Variants in TSHZ3 observed in about 807,000 individuals in gnomAD.
The protein encoded by TSHZ3 is teashirt zinc finger homeobox 3.
A neutral mutation model predicts 64.5 loss-of-function variants in TSHZ3; 10 were observed. The observed-to-expected ratio is 0.16, with a 90% CI of 0.10 to 0.26. TSHZ3 has a LOEUF of 0.26. Among genes scored for constraint, TSHZ3 ranks in the 10% least tolerant of loss-of-function variants. The pLI is 1.00. For missense variants in TSHZ3, 1,242 were observed against 1,421.7 expected, an observed-to-expected ratio of 0.87 and a Z score of 2.03; for synonymous variants, 608 against 593.1, an observed-to-expected ratio of 1.03 and a Z score of -0.36.
chr19:31,172,030 C>A (rs1291940587), intron 5 of TSHZ3, among the ~76,000 whole-genome samples: 1 of 152,128 alleles, frequency 6.6e-6, no homozygotes, highest in African/African-American at 2.4e-5. Context: ...GGATACTGGT[C>A]CTTCAAGAGA....
intron 1 of TSHZ3, among the ~76,000 whole-genome samples, chr19:31,255,366 C>A (rs919627889): frequency 1.3e-5 from 2 of 152,244 alleles, no homozygotes; most frequent in East Asian, 3.9e-4. Flanking sequence ...GCTCCAGAAA[C>A]TCCAGGCCTG....
rs35837386 is a variant in TSHZ3, at chr19:31,239,748, T to TAA, written n.550+2519_550+2520dup. Among the ~76,000 whole-genome samples, 8 of 150,982 alleles carry TAA rather than the reference T, an allele frequency of 5.3e-5. No individual in the cohort carries two copies. The South Asian group carries it at 8.4e-4, about 16-fold the overall frequency. ...GCATGTGACAACATGCCCAGCTAAT[T>TAA]AAAAAAAAACAAATTGTGGAGATGG... On this transcript the variant is annotated intron_variant and non_coding_transcript_variant, in intron 3 of 6. Transcript: ENST00000651361.
At chr19:31,214,870 T>C (rs1244316375) in intron 4 of TSHZ3, among the ~76,000 whole-genome samples, 2 of 135,650 alleles carry the variant, frequency 1.5e-5, no homozygotes, top group Non-Finnish European at 3.0e-5. Context: ...ATCCGGTCAC[T>C]GCACTCCAGT....
intron 5 of TSHZ3, among the ~76,000 whole-genome samples, chr19:31,202,049 C>T (rs1000563271): frequency 4.6e-5 from 7 of 151,952 alleles, no homozygotes; most frequent in Non-Finnish European, 8.8e-5. Flanking sequence ...GCCTGTAATC[C>T]CAGCTACTCG....
At chr19:31,349,624 C>G (rs1458033868), upstream of TSHZ3, 2 of 163,452 alleles carry the variant, frequency 1.2e-5, no homozygotes, top group South Asian at 2.0e-4. Flanking sequence ...CGCCCCGTCC[C>G]CAGACGAGGT....
intron 4 of TSHZ3, among the ~76,000 whole-genome samples, chr19:31,225,241 C>T (rs529459406): frequency 6.6e-6 from 1 of 152,342 alleles, no homozygotes; most frequent in East Asian, 1.9e-4. Flanking sequence ...AGCCTGGCCC[C>T]AGAGTCAGCC....
intron 4 of TSHZ3, among the ~76,000 whole-genome samples, chr19:31,227,626 C>T (rs768302782): frequency 3.3e-5 from 5 of 152,108 alleles, no homozygotes; most frequent in African/African-American, 7.2e-5. Flanking sequence ...TGTTGAACAC[C>T]AGGGGCTGAA....
intron 5 of TSHZ3, among the ~76,000 whole-genome samples, chr19:31,161,353 G>A (rs1276513140): frequency 3.9e-5 from 6 of 152,184 alleles, no homozygotes; most frequent in African/African-American, 1.4e-4. Flanking sequence ...AAGGACTAAA[G>A]TTAAGGCAGA....
rs1435272232 is a variant in TSHZ3, at chr19:31,279,869, T to C, written c.41-117A>G. On this transcript the variant is annotated intron_variant, in intron 1 of 1. Coordinates refer to ENST00000240587, the MANE Select transcript of TSHZ3 (RefSeq NM_020856.4). This position sits in a 1 kb window ranked among gnomAD's most constrained non-coding sequence, Gnocchi z 6.4. The stretch of plus-strand genomic sequence containing the variant: ...CTTGTTGATCTTACCTAGAATATGT[T>C]CTGGGCTCTCAGGAAAACACAGCAA... 1.1e-6 allele frequency: 1 copy of C among 908,660 alleles called. No homozygotes were observed. Among genetic ancestry groups the C allele is most frequent in the Non-Finnish European group, 1.5e-6 (1 of 664,274 alleles). 56.3% of individuals were successfully genotyped at this position (908,660 alleles called of 1,614,324 possible). A position where few individuals can be genotyped will look rare whatever the true frequency, so the allele number is the denominator to read the frequency against.
chr19:31,230,786 G>A (rs907152651), intron 3 of TSHZ3, among the ~76,000 whole-genome samples: 13 of 139,592 alleles, frequency 9.3e-5, no homozygotes, highest in East Asian at 4.6e-4. Flanking sequence ...TGCAAGCTCC[G>A]CCTCCCGGGT....
intron 1 of TSHZ3, among the ~76,000 whole-genome samples, chr19:31,348,466 AAG>A (rs1292765923): frequency 6.9e-6 from 1 of 144,970 alleles, no homozygotes; most frequent in African/African-American, 2.5e-5. Context: ...GTTAAAGAAG[AAG>A]AAAAAAAAAA....
intron 1 of TSHZ3, among the ~76,000 whole-genome samples, chr19:31,325,581 G>C (rs983451001): frequency 3.3e-5 from 5 of 152,204 alleles, no homozygotes; most frequent in Non-Finnish European, 7.3e-5. Context: ...GCTGTGGGAA[G>C]CGAAATGTGT....
chr19:31,187,923 T>C (rs1247416387), intron 5 of TSHZ3, among the ~76,000 whole-genome samples: 5 of 152,090 alleles, frequency 3.3e-5, no homozygotes, highest in African/African-American at 7.2e-5. Context: ...TAGATTTCCA[T>C]AAAAATTTAA....
downstream of TSHZ3, among the ~76,000 whole-genome samples, chr19:31,274,094 C>A (rs1368190402): frequency 6.6e-6 from 1 of 151,262 alleles, no homozygotes; most frequent in Non-Finnish European, 1.5e-5. Context: ...GGCGTGTTGC[C>A]GAACATCTCT....
At chr19:31,214,265 GA>G (rs1714730755) in intron 4 of TSHZ3, among the ~76,000 whole-genome samples, 1 of 152,198 alleles carries the variant, frequency 6.6e-6, no homozygotes, top group Non-Finnish European at 1.5e-5. Flanking sequence ...AGGGTAACCA[GA>G]GGCTGCATGA....
intron 1 of TSHZ3, among the ~76,000 whole-genome samples, chr19:31,337,397 T>C (rs909844598): frequency 3.3e-5 from 5 of 152,222 alleles, no homozygotes; most frequent in Non-Finnish European, 5.9e-5. Context: ...TAGCAAAGTT[T>C]TTCTAATCAG....
At chr19:31,300,143 T>C (rs1276819024) in intron 1 of TSHZ3, among the ~76,000 whole-genome samples, 1 of 152,200 alleles carries the variant, frequency 6.6e-6, no homozygotes, top group Non-Finnish European at 1.5e-5. Flanking sequence ...AAGCCTTCCA[T>C]TGATTCTGGT....
intron 1 of TSHZ3, among the ~76,000 whole-genome samples, chr19:31,253,134 G>A (rs761672996): frequency 9.2e-5 from 14 of 152,248 alleles, no homozygotes; most frequent in East Asian, 5.8e-4. Context: ...GGTTATTTGC[G>A]TATTCAGGGT....
chr19:31,336,153 G>C (rs1439421319), intron 1 of TSHZ3, among the ~76,000 whole-genome samples: 1 of 152,178 alleles, frequency 6.6e-6, no homozygotes, highest in Admixed American at 6.5e-5. Context: ...CTGTTTCAGG[G>C]TTTGCAGCAT....
Sources: allele counts gnomAD v4.1 joint callset (sites outside exome capture counted in the v4.1 genomes callset), GRCh38; gene constraint gnomAD v4.1.1; non-coding constraint Gnocchi (gnomAD v3.1); transcripts MANE v1.5; gene names NCBI Gene and HGNC (gene_info 2026-07-23, HGNC 2026-07-21).